ESRP1: variants seen among roughly 807,000 people sequenced by gnomAD.
The protein encoded by ESRP1 is epithelial splicing regulatory protein 1, also known as RNA-binding motif protein 35A.
A neutral mutation model predicts 81.7 loss-of-function variants in ESRP1; 33 were observed. The ratio of observed to expected loss-of-function variants is 0.40; its 90% CI spans 0.31 to 0.54. ESRP1 has a LOEUF of 0.54. Among genes scored for constraint, ESRP1 ranks in the 20% least tolerant of loss-of-function variants. ESRP1 has a pLI of 0.41. For missense variants in ESRP1, 672 were observed against 833.1 expected (o/e 0.81, Z 2.38); for synonymous variants, 320 against 303.3 (o/e 1.06, Z -0.57).
intron 3 of ESRP1, among the ~76,000 whole-genome samples, chr8:94,645,407 A>G (rs947060441): frequency 4.8e-5 from 7 of 145,806 alleles, no homozygotes; most frequent in South Asian, 2.4e-4. Context: ...AAGTTATCCA[A>G]TGCTGGGTTA....
At chr8:94,653,561 A>G (rs755842226) in intron 4 of ESRP1, among the ~76,000 whole-genome samples, 3 of 152,166 alleles carry the variant, frequency 2.0e-5, no homozygotes, top group Non-Finnish European at 4.4e-5. Context: ...GGACTTCCTT[A>G]TTGTTTTAAA....
At chr8:94,703,301 C>T (rs1563554108) in intron 15 of ESRP1, among the ~76,000 whole-genome samples, 2 of 151,964 alleles carry the variant, frequency 1.3e-5, no homozygotes, top group Admixed American at 6.6e-5. Context: ...ACTACAAGCA[C>T]ACACCGCTAC....
At chr8:94,677,634 G>A (rs1808699913) in intron 12 of ESRP1, among the ~76,000 whole-genome samples, 1 of 152,148 alleles carries the variant, frequency 6.6e-6, no homozygotes, top group African/African-American at 2.4e-5. Context: ...CATGTGGCTA[G>A]CCTTTAGGTG....
chr8:94,671,271 C>T (rs1160625690), intron 10 of ESRP1, among the ~76,000 whole-genome samples, 182 bp from the exon 11 acceptor site: 1 of 152,206 alleles, frequency 6.6e-6, no homozygotes, highest in Non-Finnish European at 1.5e-5. Context: ...CATTACTTCT[C>T]AAACTTGCAT....
chr8:94,645,104 A>AT (rs1232199032), intron 3 of ESRP1, among the ~76,000 whole-genome samples: 3 of 152,154 alleles, frequency 2.0e-5, no homozygotes, highest in Non-Finnish European at 4.4e-5. Context: ...TTAAATGAGC[A>AT]TTTTTGTAGG....
intron 13 of ESRP1, chr8:94,688,429 G>C (rs775507542): frequency 1.2e-4 from 34 of 275,338 alleles, no homozygotes; most frequent in African/African-American, 7.3e-4. Context: ...TCACAGGCAA[G>C]TTAAACAAGT....
rs1586164703 is a variant in ESRP1, at chr8:94,642,014, G to A, written c.191G>A (p.Cys64Tyr). The A allele has an allele frequency of 6.2e-7, 1 of 1,613,996 alleles. No individual in the cohort carries two copies. Among genetic ancestry groups the A allele is most frequent in the Non-Finnish European group, 8.5e-7 (1 of 1,179,880 alleles). The change falls in exon 2 of 16, where the codon TGC (cysteine) becomes TAC (tyrosine). Residue 64 changes from cysteine (C) to tyrosine (Y), a missense_variant. By Grantham distance (194) the Cys-to-Tyr change is radical. Transcript: ENST00000433389. ...RPDQLELTEDCKEETKIDVES... is the reference protein window; with the variant it reads ...RPDQLELTEDYKEETKIDVES... ...GATCAGTTGGAACTGACGGAGGACT[G>A]CAAAGAAGAAACTAAAATAGACGTC...
chr8:94,697,905 C>T lies in ESRP1; in HGVS notation c.*35+944C>T, dbSNP rs951332635. ...AGGTGATTCTCCTGCCTCAGCCTCC[C>T]GAGTAGCTGGGATTACAGGCACCTG... On this transcript the variant is annotated intron_variant, in intron 15 of 15. Coordinates refer to ENST00000433389, the MANE Select transcript of ESRP1 (RefSeq NM_017697.4). Among the ~76,000 whole-genome samples, 6 of 152,048 alleles carry T rather than the reference C, an allele frequency of 3.9e-5. No homozygotes were observed. The East Asian group carries it at 5.8e-4, about 15-fold the overall frequency.
chr8:94,695,775 A>G (rs1809580544), intron 14 of ESRP1, among the ~76,000 whole-genome samples: 1 of 146,024 alleles, frequency 6.8e-6, no homozygotes, highest in Non-Finnish European at 1.5e-5. Flanking sequence ...ACATAAAACT[A>G]CTCTAGGCCA....
At chr8:94,650,488 T>C (rs1818069627) in intron 4 of ESRP1, among the ~76,000 whole-genome samples, 1 of 152,354 alleles carries the variant, frequency 6.6e-6, no homozygotes, top group East Asian at 1.9e-4. Context: ...AATATGCATT[T>C]AAGATTACTC....
chr8:94,671,285 C>T (rs1819308590), intron 10 of ESRP1, among the ~76,000 whole-genome samples, 168 bp from the exon 11 acceptor site: 1 of 152,200 alleles, frequency 6.6e-6, no homozygotes, highest in African/African-American at 2.4e-5. Context: ...CTTGCATGTA[C>T]TTCTGAATCA....
intron 14 of ESRP1, among the ~76,000 whole-genome samples, chr8:94,695,371 T>TTTTTTTTTTTTTTTA (rs1351009238): frequency 8.9e-6 from 1 of 111,996 alleles, no homozygotes; most frequent in Non-Finnish European, 1.7e-5. Flanking sequence ...TTTTTTTTTT[T>TTTTTTTTTTTTTTTA]TGAGACGGAG....
At chr8:94,652,868 G>A (rs1818214764) in intron 4 of ESRP1, among the ~76,000 whole-genome samples, 1 of 152,180 alleles carries the variant, frequency 6.6e-6, no homozygotes, top group Admixed American at 6.5e-5. Flanking sequence ...CTGAGGCTTA[G>A]AGGCTTTGTC....
chr8:94,695,810 C>T (rs1000925062), intron 14 of ESRP1, among the ~76,000 whole-genome samples: 2 of 152,048 alleles, frequency 1.3e-5, no homozygotes, highest in Admixed American at 6.6e-5. Context: ...CACCTGTAAT[C>T]CCAGCAGTTT....
At chr8:94,644,837 T>C (rs564162681) in intron 3 of ESRP1, among the ~76,000 whole-genome samples, 45 of 152,322 alleles carry the variant, frequency 3.0e-4, no homozygotes, top group Non-Finnish European at 5.6e-4. Flanking sequence ...TGGCAAAACA[T>C]GAAATAATCC....
chr8:94,642,094 C>A lies in ESRP1; in HGVS notation c.261+10C>A. 27 of 1,608,446 alleles carry A rather than the reference C, an allele frequency of 1.7e-5. No homozygotes were observed. The highest frequency in any genetic ancestry group is 2.2e-5 in the Non-Finnish European group (26 of 1,179,344). On this transcript the variant is annotated intron_variant, in intron 2 of 15. Coordinates refer to ENST00000433389, the MANE Select transcript of ESRP1 (RefSeq NM_017697.4). ...CCAAGCCCTCCGACAGGTGACAACC[C>A]CGGGTCACGCCACCCACCCCAGCCT...
chr8:94,706,163 A>T lies in ESRP1; in HGVS notation c.*274A>T. On this transcript the variant is annotated 3_prime_UTR_variant, in exon 16 of 16. Transcript: ENST00000433389. ...TTTGCTGATTGCAAATAGGCATTTA[A>T]AATGTGAATTTGGAATCAGATGTCT... The T allele has an allele frequency of 1.9e-6, 1 of 516,632 alleles. No individual in the cohort carries two copies. Among genetic ancestry groups the T allele is most frequent in the East Asian group, 3.1e-5 (1 of 31,862 alleles). The allele number at this position is 516,632 out of a possible 1,614,324, so 32.0% of individuals were successfully genotyped here.
chr8:94,704,629 T>C (rs1809982669), intron 15 of ESRP1, among the ~76,000 whole-genome samples: 1 of 151,780 alleles, frequency 6.6e-6, no homozygotes, highest in Non-Finnish European at 1.5e-5. Flanking sequence ...CTGGATATAG[T>C]GGTGTGCCTG....
At chr8:94,666,702 T>A (rs957816605) in intron 9 of ESRP1, among the ~76,000 whole-genome samples, 3 of 152,232 alleles carry the variant, frequency 2.0e-5, no homozygotes, top group Non-Finnish European at 2.9e-5. Context: ...ACTCTAAGGC[T>A]TCAAAATTCA....
Sources: allele counts gnomAD v4.1 joint callset (sites outside exome capture counted in the v4.1 genomes callset), GRCh38; gene constraint gnomAD v4.1.1; transcripts MANE v1.5; gene names NCBI Gene and HGNC (gene_info 2026-07-23, HGNC 2026-07-21).